Variants in GLT8D2 observed in about 807,000 individuals in gnomAD.
GLT8D2 encodes glycosyltransferase 8 domain containing 2, also known as glycosyltransferase 8 domain-containing protein 2.
A neutral mutation model predicts 44.5 loss-of-function variants in GLT8D2; 45 were observed. That is an observed-to-expected ratio of 1.01 (90% CI 0.80 to 1.30). The LOEUF (loss-of-function observed/expected upper bound fraction) is 1.30, where lower values mean the gene tolerates loss of function less well. Ranked by LOEUF, GLT8D2 falls within the 50% of genes most tolerant of loss-of-function variation. The probability of loss-of-function intolerance (pLI) is 0.00; values close to 1 mark genes in which losing one functional copy is unlikely to be tolerated. For synonymous variants in GLT8D2, 156 were observed against 157.2 expected, an observed-to-expected ratio of 0.99 and a Z score of 0.06; for missense variants, 400 against 430.4, an observed-to-expected ratio of 0.93 and a Z score of 0.62.
intron 3 of GLT8D2, among the ~76,000 whole-genome samples, chr12:104,015,831 A>G (rs187731062): frequency 6.6e-6 from 1 of 151,770 alleles, no homozygotes; most frequent in Non-Finnish European, 1.5e-5. Context: ...GTGAAACCCT[A>G]TCTCTACTAA....
At chr12:104,003,055 A>C (rs900295497) in intron 5 of GLT8D2, 80 bp downstream of exon 5, 45 of 1,010,150 alleles carry the variant, frequency 4.5e-5, no homozygotes, top group South Asian at 1.4e-4. Flanking sequence ...AAGAAGAAGA[A>C]GAGGTAGGGA....
chr12:104,040,980 T>C (rs1399678595), intron 1 of GLT8D2, among the ~76,000 whole-genome samples: 2 of 152,118 alleles, frequency 1.3e-5, no homozygotes, highest in Admixed American at 6.6e-5. Context: ...CTAAAAATGC[T>C]AAGGGGCTGG....
chr12:104,051,608 C>G (rs753346936), upstream of GLT8D2, among the ~76,000 whole-genome samples: 2 of 152,008 alleles, frequency 1.3e-5, no homozygotes, highest in Non-Finnish European at 2.9e-5. Context: ...ATTCAATATC[C>G]TCCTTCTAGC....
chr12:104,015,252 T>C (rs1183178776), intron 3 of GLT8D2, 147 bp from the exon 4 acceptor site: 1 of 620,232 alleles, frequency 1.6e-6, no homozygotes, highest in African/African-American at 1.8e-5. Flanking sequence ...GCATATAGAA[T>C]AAAGAATTAA....
rs374391507 is a variant in GLT8D2, at chr12:104,003,235, T to C, written c.184A>G (p.Met62Val). The C allele has an allele frequency of 3.6e-5, 58 of 1,614,052 alleles. 1 individual carries two copies. In the African/African-American group the frequency reaches 6.7e-4, roughly 19 times the overall value. Residue 62 changes from methionine to valine, a missense_variant, in exon 5 of 11, where the codon ATG becomes GTG. Coordinates refer to ENST00000360814, the MANE Select transcript of GLT8D2 (RefSeq NM_001384711.1). ...TTGATGGCAGCCATAGTGGCACCCA[T>C]CCTCCCTGCTGCAGCACAAATCACC... The part of the protein sequence containing the change: ...PVVICAAAGR[M>V]GATMAAINSI...
chr12:104,010,238 C>A (rs969211297), intron 4 of GLT8D2, among the ~76,000 whole-genome samples: 1 of 152,204 alleles, frequency 6.6e-6, no homozygotes, highest in Non-Finnish European at 1.5e-5. Context: ...AGCCCCTGCT[C>A]ACTTCTCCAG....
At chr12:104,018,521 GCAGAAAATGGA>G (rs1230240128) in intron 3 of GLT8D2, among the ~76,000 whole-genome samples, 2 of 152,116 alleles carry the variant, frequency 1.3e-5, no homozygotes, top group African/African-American at 2.4e-5. Context: ...CTACAGAGAA[GCAGAAAATGGA>G]CAGAAAATGG....
chr12:104,023,136 T>C (rs1266142323), intron 1 of GLT8D2, among the ~76,000 whole-genome samples: 1 of 152,182 alleles, frequency 6.6e-6, no homozygotes, highest in African/African-American at 2.4e-5. Context: ...TAAAAATTGC[T>C]ATGCATCAGG....
intron 5 of GLT8D2, among the ~76,000 whole-genome samples, chr12:104,001,040 A>AGG (rs1473039297): frequency 6.6e-6 from 1 of 152,248 alleles, no homozygotes; most frequent in Non-Finnish European, 1.5e-5. Context: ...AGATAGTGTT[A>AGG]ACAATCTGAT....
chr12:104,062,030 G>C (rs1359506537), intron 1 of GLT8D2, among the ~76,000 whole-genome samples: 1 of 151,264 alleles, frequency 6.6e-6, no homozygotes, highest in Non-Finnish European at 1.5e-5. Flanking sequence ...AATTTAAGAA[G>C]CAGAAGCTAA....
intron 10 of GLT8D2, among the ~76,000 whole-genome samples, chr12:103,992,785 C>T (rs1872922892): frequency 1.3e-5 from 2 of 152,180 alleles, no homozygotes; most frequent in African/African-American, 4.8e-5. Flanking sequence ...AGCCACCACG[C>T]CCGGCCGAAA....
chr12:104,022,291 G>GAGTGACTGC (rs1227560266), intron 1 of GLT8D2, among the ~76,000 whole-genome samples: 1 of 152,044 alleles, frequency 6.6e-6, no homozygotes. Flanking sequence ...CAGGCTTTCA[G>GAGTGACTGC]AGTGACTGCA....
chr12:104,045,039 G>A (rs757446366), intron 1 of GLT8D2, among the ~76,000 whole-genome samples: 3 of 152,200 alleles, frequency 2.0e-5, no homozygotes, highest in Non-Finnish European at 2.9e-5. Flanking sequence ...GACCACTGAG[G>A]ACAGCGACTG....
rs1872397384 is a variant in GLT8D2, at chr12:103,989,201, C to G, written c.*207G>C. 2.5e-6 allele frequency: 1 copy of G among 396,262 alleles called. No homozygotes were observed. The highest frequency in any genetic ancestry group is 3.7e-5 in the East Asian group (1 of 26,730). The allele number at this position is 396,262 out of a possible 1,614,324, so 24.5% of individuals were successfully genotyped here. On this transcript the variant is annotated 3_prime_UTR_variant, in exon 11 of 11. Transcript: ENST00000360814. ...CCTTTATGTTTTTCAGTCACATAATCTTGATTTCCATAGTTATCACATGTA... is the reference window on the plus strand; with the variant it reads ...CCTTTATGTTTTTCAGTCACATAATGTTGATTTCCATAGTTATCACATGTA...
In GLT8D2 at chr12:104,013,526, T is replaced by G. The variant is rs567116203; in HGVS notation, c.112+1487A>C. On this transcript the variant is annotated intron_variant, in intron 4 of 10. Transcript: ENST00000360814. ...CCCTAAGAACATTTGTATATATGTCTTTGTATGAAAATCATTCTCTTTGCA... is the reference window on the plus strand; with the variant it reads ...CCCTAAGAACATTTGTATATATGTCGTTGTATGAAAATCATTCTCTTTGCA... Among the ~76,000 whole-genome samples, 3 of 152,350 alleles carry G rather than the reference T, an allele frequency of 2.0e-5. No individual in the cohort carries two copies. The South Asian group carries it at 6.2e-4, about 32-fold the overall frequency.
At position 104,003,198 on chromosome 12, in the gene GLT8D2, C is replaced by T. The variant is rs768424523; in HGVS notation, c.221G>A (p.Ser74Asn). 6.2e-7 allele frequency: 1 copy of T among 1,614,104 alleles called. No individual in the cohort carries two copies. The highest frequency in any genetic ancestry group is 8.5e-7 in the Non-Finnish European group (1 of 1,179,976). The change falls in exon 5 of 11, where the codon AGC (serine) becomes AAC (asparagine). Residue 74 changes from serine to asparagine, a missense_variant. Transcript: ENST00000360814. The stretch of plus-strand genomic sequence containing the variant: ...GAACAAGATGTTGGCGTCAGTGTTG[C>T]TGTAGATGCTATTGATGGCAGCCAT... Reference protein sequence around the residue: ...ATMAAINSIYSNTDANILFYV... With the variant: ...ATMAAINSIYNNTDANILFYV...
chr12:104,033,761 A>AAT (rs148291981), intron 1 of GLT8D2, among the ~76,000 whole-genome samples: 2 of 150,146 alleles, frequency 1.3e-5, no homozygotes, highest in Non-Finnish European at 3.0e-5. Flanking sequence ...ACTCCTTGAA[A>AAT]ATATATATAT....
At chr12:104,036,728 C>T (rs1879967613) in intron 1 of GLT8D2, among the ~76,000 whole-genome samples, 6 of 152,140 alleles carry the variant, frequency 3.9e-5, no homozygotes, top group Admixed American at 3.9e-4. Context: ...CTTTAACACC[C>T]CACTGTCAAT....
chr12:103,990,198 A>G (rs933274897), intron 10 of GLT8D2, among the ~76,000 whole-genome samples: 17 of 149,958 alleles, frequency 1.1e-4, no homozygotes, highest in Middle Eastern at 3.4e-3. Flanking sequence ...CAATTTTGAT[A>G]GAGATTGCCG....
Sources: gnomAD v4.1 joint callset for allele counts (sites outside exome capture counted in the v4.1 genomes callset) on GRCh38, gnomAD v4.1.1 for gene constraint, MANE v1.5 for transcripts, NCBI Gene and HGNC (gene_info 2026-07-23, HGNC 2026-07-21) for gene names.